Variants in TTN observed in about 807,000 individuals in gnomAD.
TTN encodes the protein connectin.
TTN carries 1,525 observed loss-of-function variants against 3,223.0 expected under a neutral mutation model. The observed-to-expected ratio is 0.47, with a 90% CI of 0.45 to 0.49. TTN has a LOEUF of 0.49. TTN is among the 20% of genes least tolerant of loss of function. TTN has a pLI of 0.00. For missense variants in TTN, 40,786 were observed against 43,424.0 expected (o/e 0.94, Z 5.40); for synonymous variants, 14,094 against 15,161.0 (o/e 0.93, Z 5.17).
In TTN at chr2:178,578,820, G is replaced by T. The variant is rs372975579; in HGVS notation, c.68210C>A (p.Ala22737Glu). The part of the protein sequence containing the change: ...GEGLKSEPIV[A>E]RHPFDVPDAP... ...AAGACACTTACCAAATGGATGTCTC[G>T]CAACAATTGGCTCCGATTTCAGGCC... Residue 22737 changes from alanine (A) to glutamate (E), a missense_variant, in exon 320 of 363, where the codon GCG (alanine) becomes GAG (glutamate). Ala to Glu is a moderately radical substitution (Grantham distance 107). Coordinates refer to ENST00000589042, the MANE Select transcript of TTN (RefSeq NM_001267550.2). 9 of 1,610,168 alleles carry T rather than the reference G, an allele frequency of 5.6e-6. No individual in the cohort carries two copies. In the South Asian group the frequency reaches 9.9e-5, roughly 18 times the overall value.
At chr2:178,584,160 ATC>A (rs2048392071) in intron 311 of TTN, 114 bp downstream of exon 311, 2 of 1,222,766 alleles carry the variant, frequency 1.6e-6, no homozygotes, top group African/African-American at 3.0e-5. Flanking sequence ...GGGAGTTGTA[ATC>A]TTCAGATCTC....
chr2:178,722,038 T>G lies in TTN; in HGVS notation c.22625A>C (p.Gln7542Pro). The G allele has an allele frequency of 6.2e-7, 1 of 1,613,432 alleles. No homozygotes were observed. The highest frequency in any genetic ancestry group is 1.1e-5 in the South Asian group (1 of 91,000). The change falls in exon 78 of 363, where the codon CAA (glutamine) becomes CCA (proline). Residue 7542 changes from glutamine (Q) to proline (P), a missense_variant. By Grantham distance (76) the Gln-to-Pro change is moderately conservative (BLOSUM62 -1). Transcript: ENST00000589042. ...TTTTGACCAAGTGATTCGCATCGGTTGAGCACCAGTAACATGACACTCAAA... is the reference window on the plus strand; with the variant it reads ...TTTTGACCAAGTGATTCGCATCGGTGGAGCACCAGTAACATGACACTCAAA... ...ADFECHVTGAQPMRITWSKDN... is the reference protein window; with the variant it reads ...ADFECHVTGAPPMRITWSKDN...
chr2:178,684,617 A>G lies in TTN; in HGVS notation c.32638+49T>C, dbSNP rs758411512. ...CCAAAGAACAGCAGCAGAGAGAAAG[A>G]AAGACAAGCCATATGTTCCTAGTTT... is the stretch of plus-strand genomic sequence containing the variant. On this transcript the variant is annotated intron_variant, in intron 131 of 362. Coordinates refer to ENST00000589042, the MANE Select transcript of TTN (RefSeq NM_001267550.2). 14 of 1,563,062 alleles carry G rather than the reference A, an allele frequency of 9.0e-6. No homozygotes were observed. The African/African-American group carries it at 1.9e-4, about 21-fold the overall frequency.
rs749341609 is a variant in TTN, at chr2:178,730,955, T to C, written c.17710A>G (p.Ser5904Gly). 8 of 1,610,046 alleles carry C rather than the reference T, an allele frequency of 5.0e-6. No homozygotes were observed. The African/African-American group carries it at 9.4e-5, about 19-fold the overall frequency. Residue 5904 changes from serine (S) to glycine (G), a missense_variant, in exon 60 of 363, where the codon AGC becomes GGC. Transcript: ENST00000589042. ...ACATTAATTCTAGCCTTGCAGCTGCTCCTCCCAACATCATTTTGGACCTCG... is the reference window on the plus strand; with the variant it reads ...ACATTAATTCTAGCCTTGCAGCTGCCCCTCCCAACATCATTTTGGACCTCG... ...TFEVQNDVGR[S>G]SCKARINVLD...
intron 21 of TTN, 84 bp from the exon 22 acceptor site, chr2:178,780,289 T>G: frequency 7.8e-7 from 1 of 1,276,160 alleles, no homozygotes. Context: ...AACTCTACAC[T>G]GGGGAAAGTT....
chr2:178,565,019 T>C lies in TTN; in HGVS notation c.81113A>G (p.Lys27038Arg). Reference sequence around the variant, plus strand: ...TCTAAACTGGTACTCCGTGCCTGTTTTCAGTTTGGTTATTTTAATTGTTGT... The same window carrying C: ...TCTAAACTGGTACTCCGTGCCTGTTCTCAGTTTGGTTATTTTAATTGTTGT... The part of the protein sequence containing the change: ...ARTTIKITKL[K>R]TGTEYQFRIF... Residue 27038 changes from lysine (K) to arginine (R), a missense_variant, in exon 326 of 363, where the codon AAA (lysine) becomes AGA (arginine). Lys to Arg is a conservative substitution (Grantham distance 26, BLOSUM62 2). Transcript: ENST00000589042. 6.2e-7 allele frequency: 1 copy of C among 1,613,366 alleles called. No individual in the cohort carries two copies. The highest frequency in any genetic ancestry group is 8.5e-7 in the Non-Finnish European group (1 of 1,179,622).
Position 178,702,042 on chromosome 2 carries a change from G to T in TTN, c.30536C>A (p.Pro10179His), listed in dbSNP as rs1386435158. 1 of 1,610,574 alleles carries T rather than the reference G, an allele frequency of 6.2e-7. No homozygotes were observed. The highest frequency in any genetic ancestry group is 8.5e-7 in the Non-Finnish European group (1 of 1,178,242). ...TKEIKLELKPPDIPDSRVPIP... is the reference protein window; with the variant it reads ...TKEIKLELKPHDIPDSRVPIP... ...TTGATTTTTACAAAACAACTTACCA[G>T]GAGGCTTCAGCTCAAGTTTGATTTC... The change falls in exon 109 of 363, where the codon CCT (proline) becomes CAT (histidine). Residue 10179 changes from proline to histidine, a missense_variant and splice_region_variant. Physicochemically the swap from Pro to His is moderately conservative, Grantham distance 77 (BLOSUM62 -2). Coordinates refer to ENST00000589042, the MANE Select transcript of TTN (RefSeq NM_001267550.2).
chr2:178,685,411 A>G (rs1367494633), intron 128 of TTN, 81 bp from the exon 129 acceptor site: 17 of 1,470,190 alleles, frequency 1.2e-5, no homozygotes, highest in Admixed American at 1.1e-4. Flanking sequence ...TTTATTAGAC[A>G]TGATATTTAT....
Position 178,601,190 on chromosome 2 carries a change from G to T in TTN, c.55733-19C>A, listed in dbSNP as rs750528635. The T allele has an allele frequency of 3.3e-6, 5 of 1,520,230 alleles. No individual in the cohort carries two copies. Among genetic ancestry groups the T allele is most frequent in the Admixed American group, 4.5e-5 (2 of 44,322 alleles). The allele number at this position is 1,520,230 out of a possible 1,614,324, so 94.2% of individuals were successfully genotyped here. ...GGAGGATCTGTAAAAATAATTAAAG[G>T]AAGTATTAAGCGTTGTTTATAATAA... On this transcript the variant is annotated intron_variant, in intron 287 of 362. Transcript: ENST00000589042.
In TTN at chr2:178,548,702, G is replaced by A; in HGVS notation, c.92924C>T (p.Thr30975Ile). 1 of 1,613,872 alleles carries A rather than the reference G, an allele frequency of 6.2e-7. No homozygotes were observed. The highest frequency in any genetic ancestry group is 8.5e-7 in the Non-Finnish European group (1 of 1,179,800). ...CACAGTGAGGGTGCTGAAGGAATCT[G>A]TTGTATGGATATCAGCCCGAAGGCT... is the stretch of plus-strand genomic sequence containing the variant. The part of the protein sequence containing the change: ...NLSLRADIHT[T>I]DSFSTLTVEN... The change falls in exon 339 of 363, where the codon ACA (threonine) becomes ATA (isoleucine). Residue 30975 changes from threonine (T) to isoleucine (I), a missense_variant. Physicochemically the swap from Thr to Ile is moderately conservative, Grantham distance 89. Coordinates refer to ENST00000589042, the MANE Select transcript of TTN (RefSeq NM_001267550.2). The surrounding 1 kb of genome is among the most constrained non-coding windows in gnomAD (Gnocchi z 4.3).
intron 99 of TTN, 137 bp from the exon 100 acceptor site, chr2:178,707,950 G>GT: frequency 1.1e-6 from 1 of 874,782 alleles, no homozygotes; most frequent in South Asian, 2.0e-5. Context: ...TATGTGCCTG[G>GT]TTTATTCCTC....
In TTN at chr2:178,560,401, A is replaced by G. The variant is rs1575612281; in HGVS notation, c.85731T>C (p.Asp28577=). Reference sequence around the variant, plus strand: ...TATATCCAGATATTTCACTACCTCCATCACTCTCGGGTCTTGACCAGCAAA... The same window carrying G: ...TATATCCAGATATTTCACTACCTCCGTCACTCTCGGGTCTTGACCAGCAAA... The part of the protein sequence containing the change: ...MTLCWSRPES[D]GGSEISGYII... Residue 28577 remains aspartate, a synonymous_variant, in exon 326 of 363, where the codon GAT becomes GAC. Transcript: ENST00000589042. 6.2e-6 allele frequency: 10 copies of G among 1,613,466 alleles called. No individual in the cohort carries two copies. Among genetic ancestry groups the G allele is most frequent in the Non-Finnish European group, 7.6e-6 (9 of 1,179,792 alleles).
At position 178,608,473 on chromosome 2, in the gene TTN, TGGTCCTGATAAA is replaced by T; in HGVS notation, c.52406-8_52409del. 1 of 1,580,494 alleles carries T rather than the reference TGGTCCTGATAAA, an allele frequency of 6.3e-7. No individual in the cohort carries two copies. On this transcript the variant is annotated splice_acceptor_variant and splice_polypyrimidine_tract_variant and coding_sequence_variant and intron_variant, in exon 275 of 363. Transcript: ENST00000589042. LOFTEE classifies it high-confidence loss of function. ...CAATGGGCTTATCTGGTGCATCAGG[TGGTCCTGATAAA>T]AAAATAACATTTGAAGTAAATTTCC...
intron 72 of TTN, 40 bp downstream of exon 72, chr2:178,724,220 G>T: frequency 6.3e-7 from 1 of 1,588,574 alleles, no homozygotes; most frequent in Non-Finnish European, 8.6e-7. Context: ...CTTGTAAAAG[G>T]AATTTGCATA....
chr2:178,530,243 T>C lies in TTN; in HGVS notation c.106372A>G (p.Lys35458Glu). 2 of 1,593,900 alleles carry C rather than the reference T, an allele frequency of 1.3e-6. No homozygotes were observed. The highest frequency in any genetic ancestry group is 1.7e-6 in the Non-Finnish European group (2 of 1,170,744). Residue 35458 changes from lysine (K) to glutamate (E), a missense_variant and splice_region_variant, in exon 358 of 363, where the codon AAG becomes GAG. Lys to Glu is a moderately conservative substitution (Grantham distance 56, BLOSUM62 1). Coordinates refer to ENST00000589042, the MANE Select transcript of TTN (RefSeq NM_001267550.2). ...RPTAIWTKDG[K>E]AITQGGKYKL... ...AGAGACATTTAAGAACTGGTTACCTTTCCATCTTTTGTCCAGATGGCAGTT... is the reference window on the plus strand; with the variant it reads ...AGAGACATTTAAGAACTGGTTACCTCTCCATCTTTTGTCCAGATGGCAGTT...
chr2:178,584,483 G>C lies in TTN; in HGVS notation c.65068C>G (p.Pro21690Ala). 1 of 1,613,134 alleles carries C rather than the reference G, an allele frequency of 6.2e-7. No individual in the cohort carries two copies. Among genetic ancestry groups the C allele is most frequent in the Non-Finnish European group, 8.5e-7 (1 of 1,179,518 alleles). Reference protein sequence around the residue: ...WDRPDSDGGSPIIGYLIERKE... With the variant: ...WDRPDSDGGSAIIGYLIERKE... ...CGTTCAATCAGATAACCAATAATGG[G>C]GCTCCCTCCATCACTATCTGGTCTG... is the stretch of plus-strand genomic sequence containing the variant. Residue 21690 changes from proline to alanine, a missense_variant, in exon 311 of 363, where the codon CCC becomes GCC. Physicochemically the swap from Pro to Ala is conservative, Grantham distance 27. Coordinates refer to ENST00000589042, the MANE Select transcript of TTN (RefSeq NM_001267550.2).
chr2:178,558,220 T>G lies in TTN; in HGVS notation c.87134A>C (p.Asp29045Ala), dbSNP rs1364010226. The G allele has an allele frequency of 6.2e-7, 1 of 1,606,956 alleles. No homozygotes were observed. The highest frequency in any genetic ancestry group is 8.5e-7 in the Non-Finnish European group (1 of 1,178,370). Residue 29045 changes from aspartate (D) to alanine (A), a missense_variant, in exon 328 of 363, where the codon GAT becomes GCT. Coordinates refer to ENST00000589042, the MANE Select transcript of TTN (RefSeq NM_001267550.2). Reference sequence around the variant, plus strand: ...AGTGTGACTTGGGAAATTCTTCATATCAATTTCAGGTGGTTCTGAAAAATG... The same window carrying G: ...AGTGTGACTTGGGAAATTCTTCATAGCAATTTCAGGTGGTTCTGAAAAATG... ...IKEQLEPPEI[D>A]MKNFPSHTVY...
In TTN at chr2:178,532,888, T is replaced by G; in HGVS notation, c.103727A>C (p.Asp34576Ala). The change falls in exon 358 of 363, where the codon GAT becomes GCT. Residue 34576 changes from aspartate (D) to alanine (A), a missense_variant. Asp to Ala is a moderately radical substitution (Grantham distance 126, BLOSUM62 -2). Coordinates refer to ENST00000589042, the MANE Select transcript of TTN (RefSeq NM_001267550.2). ...SDMKWYKKIR[D>A]QYEMPGKLDR... ...AAGTTTCCCAGGCATTTCATACTGA[T>G]CACGTATCTTTTTATACCACTTCAT... 1 of 1,613,974 alleles carries G rather than the reference T, an allele frequency of 6.2e-7. No individual in the cohort carries two copies. Among genetic ancestry groups the G allele is most frequent in the South Asian group, 1.1e-5 (1 of 91,080 alleles).
Position 178,759,181 on chromosome 2 carries a change from C to T in TTN, c.10115-9G>A. On this transcript the variant is annotated splice_polypyrimidine_tract_variant and intron_variant, in intron 43 of 362. Transcript: ENST00000589042. ...CCACGACACTTTTAGATCTGCGACA[C>T]AAAAGAAAAGAGATACTTCAACCAC... The T allele has an allele frequency of 1.2e-6, 2 of 1,613,744 alleles. No individual in the cohort carries two copies. The highest frequency in any genetic ancestry group is 2.2e-5 in the East Asian group (1 of 44,812).
Sources: gnomAD v4.1 joint callset for allele counts on GRCh38, gnomAD v4.1.1 for gene constraint, Gnocchi (gnomAD v3.1) non-coding constraint, MANE v1.5 for transcripts, NCBI Gene and HGNC (gene_info 2026-07-23, HGNC 2026-07-21) for gene names.